Variants in LTBP1 observed in about 807,000 individuals in gnomAD.
LTBP1 encodes latent transforming growth factor beta binding protein 1.
Under a neutral mutation model 207.6 loss-of-function variants are expected in LTBP1, and 129 were observed. The ratio of observed to expected loss-of-function variants is 0.62; its 90% CI spans 0.54 to 0.72. The LOEUF is 0.72. Ranked by LOEUF, LTBP1 falls within the 30% of genes least tolerant of loss-of-function variation. The pLI is 0.00. For synonymous variants in LTBP1, 963 were observed against 833.7 expected, an observed-to-expected ratio of 1.16 and a Z score of -2.67; for missense variants, 2,281 against 2,217.2, an observed-to-expected ratio of 1.03 and a Z score of -0.58.
intron 26 of LTBP1, among the ~76,000 whole-genome samples, chr2:33,355,936 CT>C (rs141670994): frequency 0.28 from 41,397 of 149,804 alleles, 6,044 homozygotes; most frequent in African/African-American, 0.36. Context: ...TATTTTTGTG[CT>C]TTTTTTTTTC....
At chr2:33,142,928 G>A (rs779010918) in intron 5 of LTBP1, among the ~76,000 whole-genome samples, 1 of 152,164 alleles carries the variant, frequency 6.6e-6, no homozygotes, top group African/African-American at 2.4e-5. Flanking sequence ...CTAGGCTGTC[G>A]GCTTGAGCAT....
chr2:33,384,190 T>G (rs965681106), intron 31 of LTBP1, among the ~76,000 whole-genome samples: 4 of 152,194 alleles, frequency 2.6e-5, no homozygotes, highest in African/African-American at 9.7e-5. Context: ...CAGGGGATAA[T>G]TTTTAAACCT....
chr2:33,196,126 T>C (rs1027795997), intron 7 of LTBP1, among the ~76,000 whole-genome samples: 2 of 152,166 alleles, frequency 1.3e-5, no homozygotes. Flanking sequence ...AGTCGCTTTA[T>C]TGTGATAATA....
chr2:33,396,392 C>T (rs1052656757), intron 32 of LTBP1, among the ~76,000 whole-genome samples: 2 of 151,800 alleles, frequency 1.3e-5, no homozygotes, highest in African/African-American at 4.8e-5. Flanking sequence ...GGCTAATTTT[C>T]TGTATTTTTA....
intron 11 of LTBP1, among the ~76,000 whole-genome samples, chr2:33,253,379 A>G (rs2092736381): frequency 6.6e-6 from 1 of 152,248 alleles, no homozygotes; most frequent in African/African-American, 2.4e-5. Flanking sequence ...TTGAGTATTA[A>G]GAAGTAGATT....
At chr2:33,058,191 A>T (rs1287485427) in intron 3 of LTBP1, among the ~76,000 whole-genome samples, 1 of 152,222 alleles carries the variant, frequency 6.6e-6, no homozygotes, top group African/African-American at 2.4e-5. Flanking sequence ...AGCTATGATG[A>T]AGTATATAGA....
At chr2:33,324,699 C>CTTTT (rs35517435) in intron 24 of LTBP1, among the ~76,000 whole-genome samples, 59 of 123,350 alleles carry the variant, frequency 4.8e-4, no homozygotes, top group African/African-American at 1.4e-3. Context: ...TGTATTCTAT[C>CTTTT]TTTTTTTTTT....
At chr2:33,077,826 A>G (rs2078169398) in intron 3 of LTBP1, among the ~76,000 whole-genome samples, 1 of 152,228 alleles carries the variant, frequency 6.6e-6, no homozygotes, top group South Asian at 2.1e-4. Flanking sequence ...AATAACAAAA[A>G]TTGTGTTCGC....
rs1279587278 is a variant in LTBP1 at position 33,123,682 on chromosome 2, C to A, written c.1034-11111C>A. Among the ~76,000 whole-genome samples, 28 of 152,126 alleles carry A rather than the reference C, an allele frequency of 1.8e-4. 1 individual carries two copies. Among genetic ancestry groups the A allele is most frequent in the Non-Finnish European group, 1.2e-4 (8 of 68,028 alleles). On this transcript the variant is annotated intron_variant, in intron 4 of 33. Transcript: ENST00000404816. ...GAATTGTATTCTTGTTATCAAAGAT[C>A]AGGTAGTTAGGAAATTTGGACATAG...
chr2:33,328,167 A>T (rs947780081), intron 24 of LTBP1, among the ~76,000 whole-genome samples: 1 of 144,940 alleles, frequency 6.9e-6, no homozygotes, highest in African/African-American at 2.6e-5. Context: ...ATAAATAAAT[A>T]AAATAAAAAT....
At chr2:33,009,729 T>G (rs1333037492) in intron 2 of LTBP1, among the ~76,000 whole-genome samples, 2 of 152,188 alleles carry the variant, frequency 1.3e-5, no homozygotes, top group Non-Finnish European at 2.9e-5. Flanking sequence ...CCTAGTAAAC[T>G]AATACACTTG....
intron 2 of LTBP1, among the ~76,000 whole-genome samples, chr2:32,984,128 T>A (rs1683182497): frequency 6.6e-6 from 1 of 152,182 alleles, no homozygotes; most frequent in Non-Finnish European, 1.5e-5. Context: ...TAAGAATGAC[T>A]TTTTTTGGAA....
intron 4 of LTBP1, among the ~76,000 whole-genome samples, chr2:33,121,917 CT>C (rs2081144919): frequency 6.6e-6 from 1 of 152,038 alleles, no homozygotes; most frequent in African/African-American, 2.4e-5. Flanking sequence ...AAGAATGATT[CT>C]CTCACCAATT....
At chr2:32,950,556 A>G (rs1416051900) in intron 2 of LTBP1, among the ~76,000 whole-genome samples, 2 of 10,066 alleles carry the variant, frequency 2.0e-4, no homozygotes, top group African/African-American at 3.2e-4. Context: ...CTCTGTCTCA[A>G]AAAAAAAAAA....
At chr2:33,321,799 T>A (rs1371728865) in intron 24 of LTBP1, among the ~76,000 whole-genome samples, 1 of 152,220 alleles carries the variant, frequency 6.6e-6, no homozygotes, top group Non-Finnish European at 1.5e-5. Flanking sequence ...ATTTTAGTAT[T>A]TCTTAGTAGA....
At chr2:33,047,253 T>C (rs2149467400) in intron 3 of LTBP1, among the ~76,000 whole-genome samples, 1 of 152,368 alleles carries the variant, frequency 6.6e-6, no homozygotes, top group South Asian at 2.1e-4. Context: ...GGGCATTTAG[T>C]GCTATAAATT....
intron 5 of LTBP1, among the ~76,000 whole-genome samples, chr2:33,182,310 A>G (rs1573023077): frequency 6.6e-6 from 1 of 152,084 alleles, no homozygotes; most frequent in East Asian, 1.9e-4. Context: ...TTCAAAGTCT[A>G]CTGCTGATAT....
At chr2:33,397,723 C>T (rs1406077303) in intron 33 of LTBP1, among the ~76,000 whole-genome samples, 11 of 147,708 alleles carry the variant, frequency 7.4e-5, no homozygotes, top group African/African-American at 2.8e-4. Context: ...GGGATTTCAC[C>T]GTGTTAGCCA....
rs184963679 is a variant in LTBP1 at position 33,019,788 on chromosome 2, G to A, written c.566-1121G>A. On this transcript the variant is annotated intron_variant, in intron 2 of 33. Coordinates refer to ENST00000404816, the MANE Select transcript of LTBP1 (RefSeq NM_206943.4). ...GGCTGGAGTGTAGTGCTGTGATCAC[G>A]GTCACTGCAGCCTCGACCTCCTGAG... Among the ~76,000 whole-genome samples the A allele has an allele frequency of 1.6e-4, 25 of 152,114 alleles. No individual in the cohort carries two copies. The East Asian group carries it at 1.7e-3, about 11-fold the overall frequency.
Sources: gnomAD v4.1 joint callset for allele counts (sites outside exome capture counted in the v4.1 genomes callset) on GRCh38, gnomAD v4.1.1 for gene constraint, MANE v1.5 for transcripts, NCBI Gene and HGNC (gene_info 2026-07-23, HGNC 2026-07-21) for gene names.